Variants in PDE5A observed in about 807,000 individuals in gnomAD.
PDE5A encodes phosphodiesterase 5A, also known as cGMP-specific 3',5'-cyclic phosphodiesterase.
In PDE5A, 67 loss-of-function variants were observed where a neutral mutation model predicts 110.2. That is an observed-to-expected ratio of 0.61 (90% CI 0.50 to 0.75). PDE5A has a LOEUF of 0.75. PDE5A is among the 30% of genes least tolerant of loss of function. The pLI is 0.00. For missense variants in PDE5A, 862 were observed against 1,045.1 expected (o/e 0.82, Z 2.42); for synonymous variants, 328 against 351.2 (o/e 0.93, Z 0.74).
chr4:119,599,903 G>A (rs551573014), intron 2 of PDE5A, among the ~76,000 whole-genome samples: 1 of 152,078 alleles, frequency 6.6e-6, no homozygotes, highest in East Asian at 1.9e-4. Flanking sequence ...TGATACAAAG[G>A]ATGGCTGACC....
At position 119,622,868 on chromosome 4, in the gene PDE5A, A is replaced by AG. The variant is rs1165577498; in HGVS notation, c.152+5651_152+5652insC. On this transcript the variant is annotated intron_variant, in intron 1 of 20. Coordinates refer to ENST00000354960, the MANE Select transcript of PDE5A (RefSeq NM_001083.4). ...AACAGAGCAATACTCCGTCTCGAAA[A>AG]AAAAAAAAAGAAAGAAAGAAAAAAA... Among the ~76,000 whole-genome samples, 6 of 150,306 alleles carry AG rather than the reference A, an allele frequency of 4.0e-5. 1 individual carries two copies. Among genetic ancestry groups the AG allele is most frequent in the Non-Finnish European group, 8.9e-5 (6 of 67,576 alleles).
At chr4:119,592,080 G>C (rs1205772544) in intron 3 of PDE5A, among the ~76,000 whole-genome samples, 4 of 145,128 alleles carry the variant, frequency 2.8e-5, no homozygotes, top group Non-Finnish European at 6.0e-5. Context: ...AACCCGGGAG[G>C]CAGAGGTTGC....
chr4:119,535,782 A>C (rs140839307), intron 11 of PDE5A, among the ~76,000 whole-genome samples: 377 of 152,276 alleles, frequency 2.5e-3, no homozygotes, highest in Non-Finnish European at 4.3e-3. Context: ...TAACTGGAGA[A>C]ATTTTTCTGG....
rs199886141 is a variant in PDE5A, at chr4:119,498,745, A to G, written c.2491-7T>C. The stretch of plus-strand genomic sequence containing the variant: ...CTGACACGTGGGTCAGGGCCTAAAG[A>G]GAAAAAAGAAAGCAAACAGCTAGAG... On this transcript the variant is annotated splice_region_variant and splice_polypyrimidine_tract_variant and intron_variant, in intron 20 of 20. Transcript: ENST00000354960. The G allele has an allele frequency of 6.2e-6, 10 of 1,613,670 alleles. No homozygotes were observed. Among genetic ancestry groups the G allele is most frequent in the Admixed American group, 3.3e-5 (2 of 59,944 alleles).
rs1725054716 is a variant in PDE5A, at chr4:119,496,081, A to G, written c.*2520T>C. 6.6e-6 allele frequency: 1 copy of G among 152,176 alleles called. No homozygotes were observed. The highest frequency in any genetic ancestry group is 1.5e-5 in the Non-Finnish European group (1 of 68,026). 9.4% of individuals were successfully genotyped at this position (152,176 alleles called of 1,614,324 possible). The stretch of plus-strand genomic sequence containing the variant: ...GATTGTGATTGGCACGGTCTAATCT[A>G]CTGAAAAATATAAGGCCAGGCAATT... On this transcript the variant is annotated 3_prime_UTR_variant, in exon 21 of 21. Transcript: ENST00000354960.
intron 3 of PDE5A, among the ~76,000 whole-genome samples, chr4:119,570,977 C>A (rs113853086): frequency 1.3e-5 from 2 of 152,160 alleles, no homozygotes; most frequent in Non-Finnish European, 2.9e-5. Flanking sequence ...GCCATAAATA[C>A]TTTATTCAAC....
At chr4:119,604,096 C>G (rs1441368996) in intron 2 of PDE5A, among the ~76,000 whole-genome samples, 3 of 152,144 alleles carry the variant, frequency 2.0e-5, no homozygotes, top group African/African-American at 7.2e-5. Context: ...CATGAAATAA[C>G]TCCTGCAAGG....
chr4:119,560,156 A>G, intron 7 of PDE5A, 140 bp downstream of exon 7: 1 of 550,662 alleles, frequency 1.8e-6, no homozygotes, highest in Non-Finnish European at 3.2e-6. Context: ...AGGACGACTT[A>G]GGACCGTAAA....
intron 18 of PDE5A, among the ~76,000 whole-genome samples, chr4:119,502,883 C>T (rs1278961135): frequency 6.6e-6 from 1 of 151,966 alleles, no homozygotes; most frequent in Non-Finnish European, 1.5e-5. Context: ...TAGCTTCCAA[C>T]ATTTTTCCCT....
At position 119,596,562 on chromosome 4, in the gene PDE5A, T is replaced by C. The variant is rs372020099; in HGVS notation, c.792A>G (p.Gln264=). The change falls in exon 3 of 21, where the codon CAA becomes CAG. Residue 264 remains glutamine, a synonymous_variant. Coordinates refer to ENST00000354960, the MANE Select transcript of PDE5A (RefSeq NM_001083.4). The part of the protein sequence containing the change: ...EVDQITGYKT[Q]SILCMPIKNH... ...TCTTAATTGGCATACAAAGAATGCT[T>C]TGTGTCTTGTAGCCTGTAATTTGGT... is the stretch of plus-strand genomic sequence containing the variant. The C allele has an allele frequency of 6.2e-6, 10 of 1,602,430 alleles. No individual in the cohort carries two copies. Among genetic ancestry groups the C allele is most frequent in the Non-Finnish European group, 8.5e-6 (10 of 1,174,300 alleles).
chr4:119,498,597 C>A lies in PDE5A; in HGVS notation c.*4G>T, dbSNP rs1378409997. ...AAACTTCAACTCTGCATGAAATAGG[C>A]CACTCAGTTCCGCTTGGCCTGGCCG... On this transcript the variant is annotated 3_prime_UTR_variant, in exon 21 of 21. Coordinates refer to ENST00000354960, the MANE Select transcript of PDE5A (RefSeq NM_001083.4). The A allele has an allele frequency of 1.2e-6, 2 of 1,613,750 alleles. No homozygotes were observed. The highest frequency in any genetic ancestry group is 2.7e-5 in the African/African-American group (2 of 74,902).
chr4:119,551,435 G>C (rs549220319), intron 9 of PDE5A, among the ~76,000 whole-genome samples: 33 of 152,302 alleles, frequency 2.2e-4, no homozygotes, highest in African/African-American at 7.9e-4. Flanking sequence ...CAGAGTCAGA[G>C]AATGTTGAAT....
At position 119,525,820 on chromosome 4, in the gene PDE5A, C is replaced by T. The variant is rs1283021701; in HGVS notation, c.1633-125G>A. The T allele has an allele frequency of 4.2e-5, 36 of 863,584 alleles. No individual in the cohort carries two copies. Among genetic ancestry groups the T allele is most frequent in the Non-Finnish European group, 6.3e-5 (36 of 574,350 alleles). 53.5% of individuals were successfully genotyped at this position (863,584 alleles called of 1,614,324 possible). On this transcript the variant is annotated intron_variant, in intron 11 of 20. Transcript: ENST00000354960. This position sits in a 1 kb window ranked among gnomAD's most constrained non-coding sequence, Gnocchi z 4.3. ...CTTTTTTTTCCTTTTTAATGAAAGA[C>T]ACTAGAAACCTTTTTGTACAGTGGC...
intron 3 of PDE5A, among the ~76,000 whole-genome samples, chr4:119,576,897 G>A (rs901860214): frequency 2.4e-4 from 36 of 152,202 alleles, no homozygotes; most frequent in Middle Eastern, 3.4e-3. Flanking sequence ...ATGAATCCAG[G>A]AGCTGGTTTT....
At chr4:119,501,337 G>A in intron 19 of PDE5A, 84 bp from the exon 20 acceptor site, 1 of 815,342 alleles carries the variant, frequency 1.2e-6, no homozygotes. Context: ...TTGAGATGGA[G>A]TCTCACTCTG....
intron 1 of PDE5A, among the ~76,000 whole-genome samples, chr4:119,607,750 A>G (rs911751225): frequency 2.0e-5 from 3 of 152,172 alleles, no homozygotes; most frequent in African/African-American, 7.2e-5. Context: ...CTCAAAAAAA[A>G]AAGACAATTT....
Position 119,562,708 on chromosome 4 carries a change from T to G in PDE5A, c.1131+125A>C, listed in dbSNP as rs1311505598. On this transcript the variant is annotated intron_variant, in intron 6 of 20. Coordinates refer to ENST00000354960, the MANE Select transcript of PDE5A (RefSeq NM_001083.4). ...AGCTCATACCCTGATTAGTTTTATA[T>G]ACATATTCATACACATTTGGGTTTG... 6.0e-6 allele frequency: 4 copies of G among 669,422 alleles called. No individual in the cohort carries two copies. The East Asian group carries it at 1.2e-4, about 20-fold the overall frequency. 41.5% of individuals were successfully genotyped at this position (669,422 alleles called of 1,614,324 possible). A position where few individuals can be genotyped will look rare whatever the true frequency, so the allele number is the denominator to read the frequency against.
rs1729174031 is a variant in PDE5A, at chr4:119,596,942, T to C, written c.742-330A>G. ...GGAAAAAGTGGCATCTCTCCACCTC[T>C]GTAATATCATCTCACAACCTGATTC... On this transcript the variant is annotated intron_variant, in intron 2 of 20. Coordinates refer to ENST00000354960, the MANE Select transcript of PDE5A (RefSeq NM_001083.4). 2.0e-5 allele frequency among the ~76,000 whole-genome samples: 3 copies of C among 152,136 alleles called. No homozygotes were observed. The South Asian group carries it at 6.2e-4, about 32-fold the overall frequency.
chr4:119,586,459 C>T (rs941543640), intron 3 of PDE5A, among the ~76,000 whole-genome samples: 3 of 152,172 alleles, frequency 2.0e-5, no homozygotes, highest in African/African-American at 4.8e-5. Flanking sequence ...TGATAAAGCA[C>T]TTTACCTATG....
Sources: allele counts gnomAD v4.1 joint callset (sites outside exome capture counted in the v4.1 genomes callset), GRCh38; gene constraint gnomAD v4.1.1; non-coding constraint Gnocchi (gnomAD v3.1); transcripts MANE v1.5; gene names NCBI Gene and HGNC (gene_info 2026-07-23, HGNC 2026-07-21).